TMCC3: variants seen among roughly 807,000 people sequenced by gnomAD.
The protein encoded by TMCC3 is transmembrane and coiled-coil domain family 3.
A neutral mutation model predicts 40.2 loss-of-function variants in TMCC3; 28 were observed. That is an observed-to-expected ratio of 0.70 (90% CI 0.52 to 0.95). The LOEUF (loss-of-function observed/expected upper bound fraction) is 0.95. Ranked by LOEUF, TMCC3 falls within the 40% of genes least tolerant of loss-of-function variation. The pLI is 0.00. For missense variants in TMCC3, 554 were observed against 615.2 expected (o/e 0.90, Z 1.05); for synonymous variants, 255 against 248.5 (o/e 1.03, Z -0.25).
intron 1 of TMCC3, among the ~76,000 whole-genome samples, chr12:94,597,920 C>T: frequency 6.6e-6 from 1 of 152,096 alleles, no homozygotes; most frequent in East Asian, 1.9e-4. Flanking sequence ...AACATGAACA[C>T]AGAAATGAAG....
intron 1 of TMCC3, among the ~76,000 whole-genome samples, chr12:94,586,932 G>T (rs1314704594): frequency 2.6e-5 from 4 of 152,208 alleles, no homozygotes; most frequent in African/African-American, 9.6e-5. Flanking sequence ...TTTGATGAGG[G>T]TATAAAGTTG....
intron 1 of TMCC3, among the ~76,000 whole-genome samples, chr12:94,636,239 C>G (rs944184772): frequency 2.6e-5 from 4 of 152,060 alleles, no homozygotes; most frequent in Admixed American, 2.0e-4. Context: ...TTCAAAGATT[C>G]AAATATACAA....
At chr12:94,642,591 A>G (rs936961378) in intron 1 of TMCC3, among the ~76,000 whole-genome samples, 10 of 152,230 alleles carry the variant, frequency 6.6e-5, no homozygotes, top group African/African-American at 2.2e-4. Context: ...ACTAAATGGG[A>G]TGCATTTCAG....
At chr12:94,605,988 A>T (rs2068780434) in intron 1 of TMCC3, among the ~76,000 whole-genome samples, 1 of 152,166 alleles carries the variant, frequency 6.6e-6, no homozygotes, top group Admixed American at 6.5e-5. Context: ...GAAAAAAAAA[A>T]TCCAAATGAG....
intron 1 of TMCC3, among the ~76,000 whole-genome samples, chr12:94,600,391 T>C (rs894010270): frequency 2.6e-5 from 4 of 152,096 alleles, no homozygotes; most frequent in Admixed American, 6.6e-5. Flanking sequence ...TTGTTTTCAG[T>C]GTTCTATTCC....
chr12:94,621,669 C>A (rs1284554941), intron 1 of TMCC3, among the ~76,000 whole-genome samples: 1 of 152,074 alleles, frequency 6.6e-6, no homozygotes, highest in South Asian at 2.1e-4. Flanking sequence ...GAAATCAAGG[C>A]CCAAGAAGTT....
chr12:94,612,882 C>T (rs555992821), intron 1 of TMCC3, among the ~76,000 whole-genome samples: 1 of 152,178 alleles, frequency 6.6e-6, no homozygotes, highest in East Asian at 1.9e-4. Context: ...CATGTGCATC[C>T]CCTAGAGACC....
chr12:94,590,162 C>A (rs1290734186), intron 1 of TMCC3, among the ~76,000 whole-genome samples: 4 of 138,272 alleles, frequency 2.9e-5, no homozygotes, highest in Non-Finnish European at 6.1e-5. Flanking sequence ...AGTGCAGTGT[C>A]GCGATCTCCG....
intron 1 of TMCC3, among the ~76,000 whole-genome samples, chr12:94,634,738 G>A (rs1378277083): frequency 6.6e-6 from 1 of 152,204 alleles, no homozygotes. Flanking sequence ...CCACCTGAAT[G>A]AAAGAGACTC....
Position 94,582,996 on chromosome 12 carries a change from A to ATTTTTTT in TMCC3, c.79-459_79-458insAAAAAAA, listed in dbSNP as rs1566316435. On this transcript the variant is annotated intron_variant, in intron 1 of 3. Transcript: ENST00000261226. ...TTTTTTTTTTTTTTTTTTTTTTTTA[A>ATTTTTTT]AAAAGAAAGATGGGGAAAAATAGGG... Among the ~76,000 whole-genome samples the ATTTTTTT allele has an allele frequency of 3.6e-3, 79 of 22,086 alleles. 1 individual carries two copies. Among genetic ancestry groups the ATTTTTTT allele is most frequent in the Non-Finnish European group, 5.0e-3 (72 of 14,430 alleles). 14.5% of individuals were successfully genotyped at this position (22,086 alleles called of 152,430 possible). A position where few individuals can be genotyped will look rare whatever the true frequency, so the allele number is the denominator to read the frequency against.
intron 1 of TMCC3, among the ~76,000 whole-genome samples, chr12:94,618,549 G>C (rs760916665): frequency 3.3e-5 from 5 of 152,198 alleles, no homozygotes; most frequent in Non-Finnish European, 7.3e-5. Flanking sequence ...CAGAGCTAAT[G>C]GTCTTTAGGA....
intron 1 of TMCC3, chr12:94,613,811 T>G (rs1380769574): frequency 6.6e-6 from 1 of 151,944 alleles, no homozygotes; most frequent in African/African-American, 2.4e-5. Context: ...AACTATGGAG[T>G]AGGCCGGACG....
intron 1 of TMCC3, chr12:94,615,906 G>A (rs186600503): frequency 2.4e-5 from 24 of 985,038 alleles, no homozygotes; most frequent in Middle Eastern, 5.2e-4. Flanking sequence ...AAACGGAAGA[G>A]TTGTGAAGAG....
chr12:94,598,497 A>G, intron 1 of TMCC3: 1 of 796,562 alleles, frequency 1.3e-6, no homozygotes, highest in South Asian at 5.7e-5. Context: ...GGCATTCATA[A>G]GTTCTCAATT....
intron 1 of TMCC3, among the ~76,000 whole-genome samples, chr12:94,607,121 C>A (rs1427231431): frequency 6.6e-6 from 1 of 152,166 alleles, no homozygotes; most frequent in African/African-American, 2.4e-5. Flanking sequence ...TCAGCGATAC[C>A]CTCTTACTTG....
intron 1 of TMCC3, among the ~76,000 whole-genome samples, chr12:94,623,065 T>C (rs761150040): frequency 4.0e-5 from 6 of 151,406 alleles, no homozygotes; most frequent in Non-Finnish European, 7.4e-5. Context: ...GAAATTTGAG[T>C]AGCTGTTTAG....
rs2069051972 is a variant in TMCC3 at position 94,650,532 on chromosome 12, G to C, written c.-102C>G. 2.1e-6 allele frequency: 2 copies of C among 966,572 alleles called. No individual in the cohort carries two copies. The highest frequency in any genetic ancestry group is 3.4e-5 in the African/African-American group (2 of 58,316). The allele number at this position is 966,572 out of a possible 1,614,324, so 59.9% of individuals were successfully genotyped here. A position where few individuals can be genotyped will look rare whatever the true frequency, so the allele number is the denominator to read the frequency against. On this transcript the variant is annotated 5_prime_UTR_variant, in exon 1 of 4. Transcript: ENST00000261226. ...CCTGGGAGCCGCGGGCGAGGGGGCGGCGCGGCTGCTGCAGCTGTTGCCTCT... is the reference window on the plus strand; with the variant it reads ...CCTGGGAGCCGCGGGCGAGGGGGCGCCGCGGCTGCTGCAGCTGTTGCCTCT...
At chr12:94,597,156 TATGTATATAA>T (rs1358739484) in intron 1 of TMCC3, among the ~76,000 whole-genome samples, 731 of 15,082 alleles carry the variant, frequency 0.048, 25 homozygotes, top group Middle Eastern at 0.17. Flanking sequence ...TATATATATA[TATGTATATAA>T]ATTAGCCAGG....
chr12:94,615,526 T>A (rs748760532), intron 1 of TMCC3, among the ~76,000 whole-genome samples: 1 of 152,200 alleles, frequency 6.6e-6, no homozygotes, highest in Non-Finnish European at 1.5e-5. Flanking sequence ...GATATTAAAG[T>A]ACAAAGTTAG....
Sources: allele counts gnomAD v4.1 joint callset (sites outside exome capture counted in the v4.1 genomes callset), GRCh38; gene constraint gnomAD v4.1.1; transcripts MANE v1.5; gene names NCBI Gene and HGNC (gene_info 2026-07-23, HGNC 2026-07-21).